PHF14: variants seen among roughly 807,000 people sequenced by gnomAD.
The protein encoded by PHF14 is PHD finger protein 14.
PHF14 carries 55 observed loss-of-function variants against 117.9 expected under a neutral mutation model. That is an observed-to-expected ratio of 0.47 (90% CI 0.38 to 0.58). The LOEUF is 0.58. Among genes scored for constraint, PHF14 ranks in the 20% least tolerant of loss-of-function variants. The probability of loss-of-function intolerance (pLI) is 0.00; values close to 1 mark genes in which losing one functional copy is unlikely to be tolerated. For missense variants in PHF14, 978 were observed against 1,122.2 expected, an observed-to-expected ratio of 0.87 and a Z score of 1.84; for synonymous variants, 409 against 368.6, an observed-to-expected ratio of 1.11 and a Z score of -1.26.
At position 11,040,729 on chromosome 7, in the gene PHF14, GA is replaced by G; in HGVS notation, c.2136del (p.Gly713GlufsTer96). 1 of 1,569,622 alleles carries G rather than the reference GA, an allele frequency of 6.4e-7. No individual in the cohort carries two copies. Among genetic ancestry groups the G allele is most frequent in the Non-Finnish European group, 8.6e-7 (1 of 1,156,270 alleles). On this transcript the variant is annotated frameshift_variant, in exon 12 of 18. Coordinates refer to ENST00000634607, the MANE Select transcript of PHF14 (RefSeq NM_001007157.2). LOFTEE classifies it high-confidence loss of function. ...APKERKPSKK[E>X]GGTQKTSTLP... Reference sequence around the variant, plus strand: ...CAAGGAGAGAAAACCAAGTAAAAAAGAAGGAGGCACACAAAAGACATCTACT... The same window carrying G: ...CAAGGAGAGAAAACCAAGTAAAAAAGAGGAGGCACACAAAAGACATCTACT...
chr7:11,025,276 A>G (rs892763739), intron 6 of PHF14, among the ~76,000 whole-genome samples: 5 of 152,142 alleles, frequency 3.3e-5, no homozygotes, highest in African/African-American at 1.2e-4. Flanking sequence ...GTTGGAATCT[A>G]CTCCTGGTGA....
chr7:10,992,383 C>T (rs1301017590), intron 4 of PHF14, among the ~76,000 whole-genome samples: 1 of 150,654 alleles, frequency 6.6e-6, no homozygotes, highest in Non-Finnish European at 1.5e-5. Flanking sequence ...GAGCAAAGGG[C>T]CGGGTGCAGT....
intron 17 of PHF14, among the ~76,000 whole-genome samples, chr7:11,133,170 T>G (rs1284896348): frequency 6.6e-6 from 1 of 151,954 alleles, no homozygotes; most frequent in Non-Finnish European, 1.5e-5. Context: ...AATCGAACTC[T>G]CAGCAAGTTA....
intron 11 of PHF14, 62 bp downstream of exon 11, chr7:11,038,917 C>G: frequency 1.4e-6 from 1 of 716,258 alleles, no homozygotes; most frequent in Non-Finnish European, 2.3e-6. Context: ...TTTCAAAGAA[C>G]AGATTTTTGA....
chr7:11,132,940 C>T (rs1326411616), intron 17 of PHF14, among the ~76,000 whole-genome samples: 1 of 151,686 alleles, frequency 6.6e-6, no homozygotes, highest in Non-Finnish European at 1.5e-5. Context: ...AAATTTAAAA[C>T]ATAATACCAT....
chr7:11,030,610 G>T (rs1481326190), intron 7 of PHF14, among the ~76,000 whole-genome samples: 1 of 152,112 alleles, frequency 6.6e-6, no homozygotes, highest in Non-Finnish European at 1.5e-5. Flanking sequence ...ACATTCTGTG[G>T]TCTGTGTATC....
intron 6 of PHF14, among the ~76,000 whole-genome samples, chr7:11,024,546 T>A (rs1344311023): frequency 6.6e-6 from 1 of 152,118 alleles, no homozygotes; most frequent in Non-Finnish European, 1.5e-5. Context: ...GCTGGTGACT[T>A]TAAGTTGAAG....
intron 17 of PHF14, among the ~76,000 whole-genome samples, chr7:11,134,584 T>C (rs1788166423): frequency 6.6e-6 from 1 of 152,046 alleles, no homozygotes; most frequent in African/African-American, 2.4e-5. Context: ...AAGTGAGACT[T>C]GGAGCGGTAA....
intron 5 of PHF14, among the ~76,000 whole-genome samples, chr7:11,021,434 AG>A (rs1456844150): frequency 2.0e-5 from 3 of 152,308 alleles, no homozygotes; most frequent in Non-Finnish European, 4.4e-5. Flanking sequence ...TGACTTTGAT[AG>A]GTATTTTAAT....
At chr7:11,101,315 T>C (rs1787079095) in intron 16 of PHF14, among the ~76,000 whole-genome samples, 1 of 151,882 alleles carries the variant, frequency 6.6e-6, no homozygotes, top group Non-Finnish European at 1.5e-5. Flanking sequence ...TATTTGTGCA[T>C]GTAATTAAGA....
chr7:10,996,158 T>C (rs573877005), intron 4 of PHF14, among the ~76,000 whole-genome samples: 1 of 152,362 alleles, frequency 6.6e-6, no homozygotes, highest in South Asian at 2.1e-4. Context: ...ATTCATGTTT[T>C]GGAAGGATCA....
chr7:11,123,849 C>T (rs1213018589), intron 17 of PHF14, among the ~76,000 whole-genome samples: 4 of 146,712 alleles, frequency 2.7e-5, no homozygotes, highest in East Asian at 3.9e-4. Flanking sequence ...ACCCAGGAGG[C>T]GGAAGTTGCA....
intron 14 of PHF14, among the ~76,000 whole-genome samples, chr7:11,059,553 A>T (rs1785138042): frequency 6.6e-6 from 1 of 152,184 alleles, no homozygotes; most frequent in Non-Finnish European, 1.5e-5. Flanking sequence ...AGGCAGGTGG[A>T]TCGCTTTAGG....
At chr7:11,153,243 A>G (rs1248150586) in intron 17 of PHF14, among the ~76,000 whole-genome samples, 1 of 152,220 alleles carries the variant, frequency 6.6e-6, no homozygotes, top group East Asian at 1.9e-4. Flanking sequence ...GATAGAAAGC[A>G]CTAGACAGAT....
At chr7:11,034,812 G>A (rs985744106) in intron 7 of PHF14, among the ~76,000 whole-genome samples, 1 of 151,796 alleles carries the variant, frequency 6.6e-6, no homozygotes, top group Admixed American at 6.6e-5. Context: ...GTCTCCCAAA[G>A]TGCTGGGATT....
At chr7:11,065,734 T>C (rs1259290372) in intron 16 of PHF14, among the ~76,000 whole-genome samples, 1 of 152,132 alleles carries the variant, frequency 6.6e-6, no homozygotes, top group East Asian at 1.9e-4. Flanking sequence ...TGTCTTTCAG[T>C]CTTTATCGAA....
At chr7:10,995,587 G>GC (rs2128311606) in intron 4 of PHF14, among the ~76,000 whole-genome samples, 2 of 152,326 alleles carry the variant, frequency 1.3e-5, no homozygotes, top group East Asian at 3.9e-4. Context: ...ATGGGACCGC[G>GC]CCACAGAGCG....
intron 14 of PHF14, among the ~76,000 whole-genome samples, chr7:11,054,961 A>G (rs990463895): frequency 3.9e-5 from 6 of 152,032 alleles, no homozygotes; most frequent in African/African-American, 1.4e-4. Context: ...CCTTCATGAC[A>G]TACGTAGGGC....
chr7:11,113,952 T>C (rs1226117298), intron 17 of PHF14, among the ~76,000 whole-genome samples: 1 of 152,176 alleles, frequency 6.6e-6, no homozygotes, highest in Non-Finnish European at 1.5e-5. Context: ...TGAAAGTTCA[T>C]ATGCTTTGCT....
Sources: allele counts gnomAD v4.1 joint callset (sites outside exome capture counted in the v4.1 genomes callset), GRCh38; gene constraint gnomAD v4.1.1; transcripts MANE v1.5; gene names NCBI Gene and HGNC (gene_info 2026-07-23, HGNC 2026-07-21).